Variants in SKAP1 observed in about 807,000 individuals in gnomAD.
The protein encoded by SKAP1 is src kinase-associated phosphoprotein 1.
SKAP1 carries 44 observed loss-of-function variants against 58.5 expected under a neutral mutation model. That is an observed-to-expected ratio of 0.75 (90% CI 0.59 to 0.97). The LOEUF is 0.97. Among genes scored for constraint, SKAP1 ranks in the 50% least tolerant of loss-of-function variants. The probability of loss-of-function intolerance (pLI) is 0.00; values close to 1 mark genes in which losing one functional copy is unlikely to be tolerated. For synonymous variants in SKAP1, 127 were observed against 149.7 expected (o/e 0.85, Z 1.11); for missense variants, 390 against 435.2 (o/e 0.90, Z 0.92).
intron 2 of SKAP1, chr17:48,377,417 T>TC (rs1555621010): frequency 6.9e-6 from 1 of 145,112 alleles, no homozygotes; most frequent in African/African-American, 2.5e-5. Context: ...CTAGAAAAAA[T>TC]AAAAAAAAAA....
At chr17:48,204,964 TTTC>T (rs1357561937) in intron 4 of SKAP1, among the ~76,000 whole-genome samples, 19 of 69,732 alleles carry the variant, frequency 2.7e-4, no homozygotes, top group South Asian at 6.1e-4. Flanking sequence ...TCCTCTTTCT[TTTC>T]TTTTCTTTTC....
At chr17:48,222,672 G>T (rs1185951503) in intron 4 of SKAP1, among the ~76,000 whole-genome samples, 3 of 151,692 alleles carry the variant, frequency 2.0e-5, no homozygotes, top group Non-Finnish European at 4.4e-5. Context: ...TAGAGATGGA[G>T]TTTCACCATG....
chr17:48,179,938 T>C, intron 9 of SKAP1, 116 bp downstream of exon 9: 2 of 947,710 alleles, frequency 2.1e-6, no homozygotes, highest in Non-Finnish European at 3.2e-6. Context: ...CATTATCTCC[T>C]TCAGAGGATG....
At chr17:48,323,801 G>A (rs2066398150) in intron 4 of SKAP1, among the ~76,000 whole-genome samples, 1 of 152,026 alleles carries the variant, frequency 6.6e-6, no homozygotes, top group Admixed American at 6.6e-5. Context: ...AGTGGGGTCA[G>A]GTTCCAAATA....
intron 11 of SKAP1, chr17:48,156,389 C>T (rs372848939): frequency 1.5e-5 from 5 of 340,276 alleles, no homozygotes; most frequent in African/African-American, 4.4e-5. Context: ...ATTTACGAGT[C>T]GCAGGCTCTC....
At chr17:48,422,169 C>G (rs929470641) in intron 1 of SKAP1, among the ~76,000 whole-genome samples, 1 of 152,082 alleles carries the variant, frequency 6.6e-6, no homozygotes, top group Non-Finnish European at 1.5e-5. Context: ...CAAGATTGCA[C>G]CACTGCACTC....
At chr17:48,279,431 A>G (rs1264601171) in intron 4 of SKAP1, among the ~76,000 whole-genome samples, 1 of 152,206 alleles carries the variant, frequency 6.6e-6, no homozygotes, top group South Asian at 2.1e-4. Flanking sequence ...TCATTGATCC[A>G]CTAGACACTA....
At chr17:48,174,107 A>G (rs1327359716) in intron 9 of SKAP1, among the ~76,000 whole-genome samples, 2 of 152,242 alleles carry the variant, frequency 1.3e-5, no homozygotes, top group Non-Finnish European at 2.9e-5. Flanking sequence ...GTTCCAGACC[A>G]GTTACTCTTG....
intron 1 of SKAP1, among the ~76,000 whole-genome samples, chr17:48,429,180 A>C (rs2144632009): frequency 6.6e-6 from 1 of 152,338 alleles, no homozygotes; most frequent in Middle Eastern, 3.4e-3. Flanking sequence ...TTAATTCTGA[A>C]TAGTTTCCTC....
At chr17:48,348,267 A>T (rs1454459167) in intron 3 of SKAP1, among the ~76,000 whole-genome samples, 1 of 151,414 alleles carries the variant, frequency 6.6e-6, no homozygotes, top group Non-Finnish European at 1.5e-5. Flanking sequence ...GTTTGAGCCA[A>T]GGAGGTAAAA....
At chr17:48,373,105 A>G (rs2067107148) in intron 2 of SKAP1, among the ~76,000 whole-genome samples, 1 of 152,200 alleles carries the variant, frequency 6.6e-6, no homozygotes, top group African/African-American at 2.4e-5. Context: ...ATACTACCTG[A>G]GACTGGGTAA....
At chr17:48,214,970 C>T (rs1198812241) in intron 4 of SKAP1, among the ~76,000 whole-genome samples, 6 of 28,028 alleles carry the variant, frequency 2.1e-4, no homozygotes, top group Non-Finnish European at 4.1e-4. Context: ...ATAAAATAAA[C>T]AGATGGCATT....
At chr17:48,133,869 A>G (rs1443101928) in intron 12 of SKAP1, 53 bp from the exon 13 acceptor site, 2 of 152,250 alleles carry the variant, frequency 1.3e-5, no homozygotes, top group African/African-American at 2.4e-5. Context: ...ATATAGATGT[A>G]TTAAAGGGCA....
At chr17:48,369,184 AT>A (rs1344513003) in intron 2 of SKAP1, among the ~76,000 whole-genome samples, 2 of 150,914 alleles carry the variant, frequency 1.3e-5, no homozygotes, top group Non-Finnish European at 3.0e-5. Flanking sequence ...TAAATATAAA[AT>A]AAAGATGTTT....
At chr17:48,204,522 T>C (rs2064769232) in intron 4 of SKAP1, 1 of 152,202 alleles carries the variant, frequency 6.6e-6, no homozygotes, top group Admixed American at 6.5e-5. Flanking sequence ...AGATGAATAA[T>C]GCTTTAATTC....
intron 4 of SKAP1, among the ~76,000 whole-genome samples, chr17:48,197,335 A>G (rs916441114): frequency 5.9e-5 from 9 of 152,008 alleles, no homozygotes; most frequent in South Asian, 2.1e-4. Context: ...GATCATCTAG[A>G]AAAAAGAAAC....
chr17:48,210,213 G>A (rs1009295759), intron 4 of SKAP1, among the ~76,000 whole-genome samples: 4 of 152,124 alleles, frequency 2.6e-5, no homozygotes, highest in South Asian at 4.1e-4. Context: ...ACTGTTATAC[G>A]GAGCCATTAT....
the SKAP1 span, among the ~76,000 whole-genome samples, chr17:48,436,323 C>T: frequency 1.6e-3 from 237 of 152,290 alleles, no homozygotes; most frequent in African/African-American, 5.6e-3. Context: ...CTGTCCACCT[C>T]GGCCTCCCAA....
chr17:48,351,433 T>C (rs868617493), intron 3 of SKAP1, among the ~76,000 whole-genome samples: 3 of 151,168 alleles, frequency 2.0e-5, no homozygotes, highest in Non-Finnish European at 4.4e-5. Context: ...CTATCTCTCT[T>C]TTTTTTTTCC....
Sources: allele counts gnomAD v4.1 joint callset (sites outside exome capture counted in the v4.1 genomes callset), GRCh38; gene constraint gnomAD v4.1.1; transcripts MANE v1.5; gene names NCBI Gene and HGNC (gene_info 2026-07-23, HGNC 2026-07-21).